Variants in ARID1B observed in about 807,000 individuals in gnomAD.
ARID1B encodes the protein AT-rich interactive domain-containing protein 1B.
Under a neutral mutation model 212.3 loss-of-function variants are expected in ARID1B, and 30 were observed. The ratio of observed to expected loss-of-function variants is 0.14; its 90% confidence interval spans 0.11 to 0.19. The LOEUF (loss-of-function observed/expected upper bound fraction) is 0.19, where lower values mean the gene tolerates loss of function less well. Among genes scored for constraint, ARID1B ranks in the 10% least tolerant of loss-of-function variants. The probability of loss-of-function intolerance (pLI) is 1.00; values close to 1 mark genes in which losing one functional copy is unlikely to be tolerated. For synonymous variants in ARID1B, 1,402 were observed against 1,301.7 expected (o/e 1.08, Z -1.66); for missense variants, 2,891 against 3,204.0 (o/e 0.90, Z 2.36).
At chr6:156,872,840 C>G (rs1321961461) in intron 2 of ARID1B, among the ~76,000 whole-genome samples, 2 of 152,160 alleles carry the variant, frequency 1.3e-5, no homozygotes. Flanking sequence ...ATTGGTCATC[C>G]TTCCACATAG....
At chr6:157,145,609 T>C (rs1175204874) in intron 7 of ARID1B, among the ~76,000 whole-genome samples, 1 of 152,216 alleles carries the variant, frequency 6.6e-6, no homozygotes, top group African/African-American at 2.4e-5. Flanking sequence ...GATAGAACTT[T>C]ATATGTGTGA....
chr6:156,798,444 A>G (rs1237207219), intron 1 of ARID1B, among the ~76,000 whole-genome samples: 1 of 152,256 alleles, frequency 6.6e-6, no homozygotes, highest in East Asian at 1.9e-4. Flanking sequence ...AAGGTAACGT[A>G]CAACGAAGGG....
At chr6:157,104,528 G>C (rs552026983) in intron 5 of ARID1B, among the ~76,000 whole-genome samples, 1 of 152,214 alleles carries the variant, frequency 6.6e-6, no homozygotes, top group Non-Finnish European at 1.5e-5. Context: ...AATTAGCAGT[G>C]GAAGAATTCA....
intron 6 of ARID1B, among the ~76,000 whole-genome samples, chr6:157,123,180 TTCTCTGTCTCTG>T (rs66476170): frequency 6.8e-6 from 1 of 146,376 alleles, no homozygotes; most frequent in Non-Finnish European, 1.5e-5. Context: ...TTTGAGATCT[TTCTCTGTCTCTG>T]TCTCTGTCTC....
intron 2 of ARID1B, among the ~76,000 whole-genome samples, chr6:156,874,541 C>G (rs1011526362): frequency 6.6e-6 from 1 of 152,152 alleles, no homozygotes. Context: ...ACACATTTCC[C>G]CCAAACTAAA....
At chr6:156,991,094 AACTTGACTT>A (rs1778249275) in intron 4 of ARID1B, among the ~76,000 whole-genome samples, 1 of 152,190 alleles carries the variant, frequency 6.6e-6, no homozygotes, top group Non-Finnish European at 1.5e-5. Flanking sequence ...GAGGAGCAGT[AACTTGACTT>A]GCCGACTGTT....
At chr6:157,054,095 G>A (rs530973144) in intron 4 of ARID1B, among the ~76,000 whole-genome samples, 3 of 152,102 alleles carry the variant, frequency 2.0e-5, no homozygotes, top group South Asian at 2.1e-4. Flanking sequence ...CTGGTGGTGC[G>A]TGCCTGTAAT....
chr6:156,782,499 A>G (rs183199762), intron 1 of ARID1B, among the ~76,000 whole-genome samples: 70 of 152,266 alleles, frequency 4.6e-4, no homozygotes, highest in African/African-American at 1.6e-3. Flanking sequence ...TGATGTCCAC[A>G]TTTCTACTGA....
chr6:157,154,580 GTT>G (rs1274752634), intron 8 of ARID1B, among the ~76,000 whole-genome samples: 6 of 111,562 alleles, frequency 5.4e-5, no homozygotes, highest in African/African-American at 1.1e-4. Context: ...TTTTTTTTTT[GTT>G]TTTTTTTTTT....
intron 1 of ARID1B, among the ~76,000 whole-genome samples, chr6:156,788,386 T>C (rs1779789137): frequency 6.6e-6 from 1 of 152,230 alleles, no homozygotes; most frequent in Non-Finnish European, 1.5e-5. Flanking sequence ...AGCCTACGGC[T>C]GATGCCATTG....
At chr6:157,079,114 G>A (rs1179866962) in intron 4 of ARID1B, among the ~76,000 whole-genome samples, 1 of 152,080 alleles carries the variant, frequency 6.6e-6, no homozygotes, top group African/African-American at 2.4e-5. Flanking sequence ...ATTTGGACAT[G>A]ATTAAATAAA....
intron 4 of ARID1B, among the ~76,000 whole-genome samples, chr6:157,004,985 TCA>T (rs1415179013): frequency 7.6e-6 from 1 of 130,786 alleles, no homozygotes; most frequent in East Asian, 2.6e-4. Flanking sequence ...TAATCCCGAC[TCA>T]CTGCAACCTC....
chr6:156,789,414 T>C (rs1779869816), intron 1 of ARID1B, among the ~76,000 whole-genome samples: 1 of 152,218 alleles, frequency 6.6e-6, no homozygotes, highest in African/African-American at 2.4e-5. Context: ...AAGGCACATG[T>C]TTGTGAAGAG....
rs183566979 is a variant in ARID1B, at chr6:157,144,583, G to A, written c.2762-4041G>A. 2.1e-4 allele frequency among the ~76,000 whole-genome samples: 32 copies of A among 152,300 alleles called. No individual in the cohort carries two copies. In the East Asian group the frequency reaches 4.3e-3, roughly 20 times the overall value. ...TGATCTTATCAGATCATCTGGAAGCGAAGGGGATGTGAGCTTGGGGAGGAG... is the reference window on the plus strand; with the variant it reads ...TGATCTTATCAGATCATCTGGAAGCAAAGGGGATGTGAGCTTGGGGAGGAG... On this transcript the variant is annotated intron_variant, in intron 7 of 19. Coordinates refer to ENST00000636930, the MANE Select transcript of ARID1B (RefSeq NM_001374828.1).
chr6:157,081,155 C>G (rs989491270), intron 4 of ARID1B, among the ~76,000 whole-genome samples: 2 of 152,188 alleles, frequency 1.3e-5, no homozygotes, highest in Non-Finnish European at 2.9e-5. Flanking sequence ...CCTGCAATTA[C>G]CTCACCTGCC....
intron 4 of ARID1B, among the ~76,000 whole-genome samples, chr6:157,060,160 C>A (rs370262001): frequency 6.6e-6 from 1 of 152,182 alleles, no homozygotes; most frequent in Admixed American, 6.5e-5. Flanking sequence ...CTAAAGAGAC[C>A]GCTGATAAGT....
chr6:156,924,337 T>A (rs1019014125), intron 3 of ARID1B, among the ~76,000 whole-genome samples: 2 of 152,234 alleles, frequency 1.3e-5, no homozygotes, highest in Non-Finnish European at 2.9e-5. Context: ...GATGTGCTAT[T>A]TTTTTCTTTG....
At chr6:156,978,527 T>C (rs1479925219) in intron 4 of ARID1B, among the ~76,000 whole-genome samples, 2 of 146,658 alleles carry the variant, frequency 1.4e-5, no homozygotes, top group Non-Finnish European at 3.0e-5. Flanking sequence ...TCCTTGAGTT[T>C]TGTTGAATAA....
chr6:156,990,828 A>T, intron 4 of ARID1B, among the ~76,000 whole-genome samples: 1 of 152,062 alleles, frequency 6.6e-6, no homozygotes, highest in Non-Finnish European at 1.5e-5. Flanking sequence ...CCTTGGTTTT[A>T]TTTTATATTT....
Sources: allele counts gnomAD v4.1 joint callset (sites outside exome capture counted in the v4.1 genomes callset), GRCh38; gene constraint gnomAD v4.1.1; transcripts MANE v1.5; gene names NCBI Gene and HGNC (gene_info 2026-07-23, HGNC 2026-07-21).